TCF15: variants seen among roughly 807,000 people sequenced by gnomAD.
TCF15 encodes the protein TCF-15.
In TCF15, 7 loss-of-function variants were observed where a neutral mutation model predicts 11.1. The observed-to-expected ratio is 0.63, with a 90% confidence interval of 0.36 to 1.19. The LOEUF is 1.19. Among genes scored for constraint, TCF15 ranks in the 50% most tolerant of loss-of-function variants. The probability of loss-of-function intolerance (pLI) is 0.02; values close to 1 mark genes in which losing one functional copy is unlikely to be tolerated. For synonymous variants in TCF15, 144 were observed against 138.9 expected (o/e 1.04, Z -0.26); for missense variants, 288 against 289.4 (o/e 1.00, Z 0.03).
Position 609,664 on chromosome 20 carries a change from C to T in TCF15, c.525+49G>A. On this transcript the variant is annotated intron_variant, in intron 1 of 1. Transcript: ENST00000246080. The surrounding 1 kb of genome is among the most constrained non-coding windows in gnomAD (Gnocchi z 4.7). Reference sequence around the variant, plus strand: ...TCCGGTTCCCGCAGAGGCGCTGCCCCCCGCCTACCCCGACCTGGCGGCCGC... The same window carrying T: ...TCCGGTTCCCGCAGAGGCGCTGCCCTCCGCCTACCCCGACCTGGCGGCCGC... 6.0e-6 allele frequency: 8 copies of T among 1,326,708 alleles called. No homozygotes were observed. Among genetic ancestry groups the T allele is most frequent in the Non-Finnish European group, 7.6e-6 (8 of 1,046,204 alleles). The allele number at this position is 1,326,708 out of a possible 1,614,324, so 82.2% of individuals were successfully genotyped here.
chr20:609,599 C>G lies in TCF15; in HGVS notation c.525+114G>C, dbSNP rs1350833469. The G allele has an allele frequency of 2.5e-6, 3 of 1,215,904 alleles. No individual in the cohort carries two copies. The African/African-American group carries it at 4.8e-5, about 19-fold the overall frequency. 75.3% of individuals were successfully genotyped at this position (1,215,904 alleles called of 1,614,324 possible). On this transcript the variant is annotated intron_variant, in intron 1 of 1. Coordinates refer to ENST00000246080, the MANE Select transcript of TCF15 (RefSeq NM_004609.4). The surrounding 1 kb of genome is among the most constrained non-coding windows in gnomAD (Gnocchi z 4.7). ...GGTGCCGCACCCAGCACGAATTCCA[C>G]GTCGCTTCCCCCTGGCCTCGTTGGG...
At position 606,323 on chromosome 20, in the gene TCF15, G is replaced by C. The variant is rs184032165; in HGVS notation, c.526-1658C>G. Among the ~76,000 whole-genome samples the C allele has an allele frequency of 2.2e-3, 333 of 152,196 alleles. 1 individual carries two copies. The highest frequency in any genetic ancestry group is 7.3e-3 in the African/African-American group (303 of 41,516). Reference sequence around the variant, plus strand: ...TCTCTTTTACTCTGTAAGTGCTCAGGGACAGGGAGAGCCGCCCCCTCCCAC... The same window carrying C: ...TCTCTTTTACTCTGTAAGTGCTCAGCGACAGGGAGAGCCGCCCCCTCCCAC... On this transcript the variant is annotated intron_variant, in intron 1 of 1. Transcript: ENST00000246080.
chr20:609,855 A>G lies in TCF15; in HGVS notation c.383T>C (p.Leu128Pro). ...SSYIAHLANV[L>P]LLGDSADDGQ... Reference sequence around the variant, plus strand: ...GTCGTCGGCCGAGTCGCCCAGCAGCAGCACGTTGGCCAGGTGCGCGATGTA... The same window carrying G: ...GTCGTCGGCCGAGTCGCCCAGCAGCGGCACGTTGGCCAGGTGCGCGATGTA... The change falls in exon 1 of 2, where the codon CTG (leucine) becomes CCG (proline). Residue 128 changes from leucine to proline, a missense_variant. Coordinates refer to ENST00000246080, the MANE Select transcript of TCF15 (RefSeq NM_004609.4). This position sits in a 1 kb window ranked among gnomAD's most constrained non-coding sequence, Gnocchi z 4.7. 6.5e-7 allele frequency: 1 copy of G among 1,529,896 alleles called. No individual in the cohort carries two copies. The highest frequency in any genetic ancestry group is 8.7e-7 in the Non-Finnish European group (1 of 1,149,276). 94.8% of individuals were successfully genotyped at this position (1,529,896 alleles called of 1,614,324 possible).
chr20:604,692 G>A lies in TCF15; in HGVS notation c.526-27C>T, dbSNP rs1401646788. 2 of 1,538,438 alleles carry A rather than the reference G, an allele frequency of 1.3e-6. No homozygotes were observed. The highest frequency in any genetic ancestry group is 1.8e-6 in the Non-Finnish European group (2 of 1,139,992). ...TGCAGAGGGGGAGAAAGAGTATAAA[G>A]AGGTTCGATTAGGCCAGTGTGAACA... is the stretch of plus-strand genomic sequence containing the variant. On this transcript the variant is annotated intron_variant, in intron 1 of 1. Transcript: ENST00000246080. The surrounding 1 kb of genome is among the most constrained non-coding windows in gnomAD (Gnocchi z 4.2).
At chr20:606,077 T>A (rs1243042633) in intron 1 of TCF15, among the ~76,000 whole-genome samples, 1 of 151,648 alleles carries the variant, frequency 6.6e-6, no homozygotes, top group Non-Finnish European at 1.5e-5. Flanking sequence ...AGGTCCAGGT[T>A]GGGGCAGATC....
chr20:610,134 TC>T lies in TCF15; in HGVS notation c.103del (p.Asp35ThrfsTer54). On this transcript the variant is annotated frameshift_variant, in exon 1 of 2. Coordinates refer to ENST00000246080, the MANE Select transcript of TCF15 (RefSeq NM_004609.4). LOFTEE classifies it high-confidence loss of function. ...EENRSESDAS[D>X]QSFGCCEGPE... ...GCCCTCGCAGCAGCCGAACGACTGG[TC>T]CGACGCGTCGCTCTCGCTGCGGTTC... 9.7e-7 allele frequency: 1 copy of T among 1,029,538 alleles called. No individual in the cohort carries two copies. 63.8% of individuals were successfully genotyped at this position (1,029,538 alleles called of 1,614,324 possible). A position where few individuals can be genotyped will look rare whatever the true frequency, so the allele number is the denominator to read the frequency against.
intron 1 of TCF15, among the ~76,000 whole-genome samples, chr20:606,446 C>T (rs1403413756): frequency 6.6e-6 from 1 of 152,112 alleles, no homozygotes; most frequent in Non-Finnish European, 1.5e-5. Flanking sequence ...GAAATGGGGA[C>T]AAAATGATTT....
At position 609,466 on chromosome 20, in the gene TCF15, T is replaced by C. The variant is rs1026829087; in HGVS notation, c.525+247A>G. Among the ~76,000 whole-genome samples, 3 of 152,150 alleles carry C rather than the reference T, an allele frequency of 2.0e-5. No homozygotes were observed. The highest frequency in any genetic ancestry group is 2.9e-5 in the Non-Finnish European group (2 of 68,018). ...GAAGGAAGTTCCAGCACACCTTTCG[T>C]TGGAGGGGATATCCCACACTGAGCA... is the stretch of plus-strand genomic sequence containing the variant. On this transcript the variant is annotated intron_variant, in intron 1 of 1. Coordinates refer to ENST00000246080, the MANE Select transcript of TCF15 (RefSeq NM_004609.4). This position sits in a 1 kb window ranked among gnomAD's most constrained non-coding sequence, Gnocchi z 4.7.
Position 604,567 on chromosome 20 carries a change from G to A in TCF15, c.*24C>T. 6.5e-7 allele frequency: 1 copy of A among 1,548,786 alleles called. No homozygotes were observed. The highest frequency in any genetic ancestry group is 8.7e-7 in the Non-Finnish European group (1 of 1,144,792). ...CCTGTCCAGCCAGTGGCTGGCTCCT[G>A]GCCTCCTTCTCCAGGGTCCAGGCTC... On this transcript the variant is annotated 3_prime_UTR_variant, in exon 2 of 2. Transcript: ENST00000246080. The surrounding 1 kb of genome is among the most constrained non-coding windows in gnomAD (Gnocchi z 4.2).
intron 1 of TCF15, among the ~76,000 whole-genome samples, chr20:605,306 C>A (rs1161738020): frequency 1.3e-5 from 2 of 152,262 alleles, no homozygotes; most frequent in Non-Finnish European, 2.9e-5. Flanking sequence ...TGCCTGACTG[C>A]ATGCCTAGCG....
chr20:604,810 G>T lies in TCF15; in HGVS notation c.526-145C>A. The T allele has an allele frequency of 1.4e-6, 1 of 713,684 alleles. No homozygotes were observed. The highest frequency in any genetic ancestry group is 3.2e-5 in the Admixed American group (1 of 31,488). 44.2% of individuals were successfully genotyped at this position (713,684 alleles called of 1,614,324 possible). On this transcript the variant is annotated intron_variant, in intron 1 of 1. Coordinates refer to ENST00000246080, the MANE Select transcript of TCF15 (RefSeq NM_004609.4). This position sits in a 1 kb window ranked among gnomAD's most constrained non-coding sequence, Gnocchi z 4.2. ...AAGTTCTCTGCAACAGAAAGCAGAA[G>T]AAACCCTTTCTGGACTGATACAGAC...
intron 1 of TCF15, among the ~76,000 whole-genome samples, chr20:605,128 C>T (rs1361385554): frequency 1.3e-5 from 2 of 152,200 alleles, no homozygotes; most frequent in Admixed American, 1.3e-4. Context: ...GTAGCGGGGA[C>T]TACAGGGGCC....
rs1243586475 is a variant in TCF15, at chr20:609,642, G to A, written c.525+71C>T. The A allele has an allele frequency of 9.9e-6, 13 of 1,307,368 alleles. No individual in the cohort carries two copies. The highest frequency in any genetic ancestry group is 4.2e-5 in the Admixed American group (1 of 23,794). The allele number at this position is 1,307,368 out of a possible 1,614,324, so 81.0% of individuals were successfully genotyped here. On this transcript the variant is annotated intron_variant, in intron 1 of 1. Transcript: ENST00000246080. The surrounding 1 kb of genome is among the most constrained non-coding windows in gnomAD (Gnocchi z 4.7). ...TCGTTGGGGACCCCTGCACCTCTCC[G>A]GTTCCCGCAGAGGCGCTGCCCCCCG...
intron 1 of TCF15, among the ~76,000 whole-genome samples, chr20:606,358 G>C (rs2019974930): frequency 6.6e-6 from 1 of 152,284 alleles, no homozygotes; most frequent in African/African-American, 2.4e-5. Flanking sequence ...CCCCAAGTCT[G>C]GAGGTCAGCT....
At position 610,285 on chromosome 20, in the gene TCF15, G is replaced by A. The variant is rs1329534587; in HGVS notation, c.-48C>T. 2 of 987,960 alleles carry A rather than the reference G, an allele frequency of 2.0e-6. No individual in the cohort carries two copies. The highest frequency in any genetic ancestry group is 2.4e-6 in the Non-Finnish European group (2 of 832,282). 61.2% of individuals were successfully genotyped at this position (987,960 alleles called of 1,614,324 possible). On this transcript the variant is annotated 5_prime_UTR_variant, in exon 1 of 2. Transcript: ENST00000246080. ...TGCGCCGCGTCCCAGCGTCGGCCGCGCCCCGCCGTGCGCTCCCGCGCGCTC... is the reference window on the plus strand; with the variant it reads ...TGCGCCGCGTCCCAGCGTCGGCCGCACCCCGCCGTGCGCTCCCGCGCGCTC...
Position 609,469 on chromosome 20 carries a change from G to A in TCF15, c.525+244C>T, listed in dbSNP as rs2020003188. Among the ~76,000 whole-genome samples, 1 of 152,236 alleles carries A rather than the reference G, an allele frequency of 6.6e-6. No homozygotes were observed. The highest frequency in any genetic ancestry group is 1.9e-4 in the East Asian group (1 of 5,182). On this transcript the variant is annotated intron_variant, in intron 1 of 1. Transcript: ENST00000246080. The surrounding 1 kb of genome is among the most constrained non-coding windows in gnomAD (Gnocchi z 4.7). ...GGAAGTTCCAGCACACCTTTCGTTG[G>A]AGGGGATATCCCACACTGAGCAGTT...
At chr20:605,219 T>TA (rs546835468) in intron 1 of TCF15, among the ~76,000 whole-genome samples, 86 of 152,196 alleles carry the variant, frequency 5.7e-4, no homozygotes, top group African/African-American at 2.0e-3. Context: ...ATCTGTTGCT[T>TA]AAAAAAAATC....
intron 1 of TCF15, among the ~76,000 whole-genome samples, chr20:605,980 G>A (rs1245571698): frequency 2.0e-5 from 3 of 152,230 alleles, no homozygotes; most frequent in Non-Finnish European, 4.4e-5. Flanking sequence ...AGCCTGGCTA[G>A]ATGATGGAGG....
In TCF15 at chr20:609,892, G is replaced by A. The variant is rs1466552907; in HGVS notation, c.346C>T (p.Leu116=). 3.3e-6 allele frequency: 5 copies of A among 1,529,470 alleles called. No homozygotes were observed. In the South Asian group the frequency reaches 3.6e-5, roughly 11 times the overall value. The allele number at this position is 1,529,470 out of a possible 1,614,324, so 94.7% of individuals were successfully genotyped here. A position where few individuals can be genotyped will look rare whatever the true frequency, so the allele number is the denominator to read the frequency against. The part of the protein sequence containing the change: ...RKLSKIETVR[L]ASSYIAHLAN... ...AGGTGCGCGATGTAGCTGGACGCCA[G>A]GCGCACGGTCTCGATCTTGGACAGC... The change falls in exon 1 of 2, where the codon CTG becomes TTG. Residue 116 remains leucine (L), a synonymous_variant. Coordinates refer to ENST00000246080, the MANE Select transcript of TCF15 (RefSeq NM_004609.4). This position sits in a 1 kb window ranked among gnomAD's most constrained non-coding sequence, Gnocchi z 4.7.
Sources: gnomAD v4.1 joint callset for allele counts (sites outside exome capture counted in the v4.1 genomes callset) on GRCh38, gnomAD v4.1.1 for gene constraint, Gnocchi (gnomAD v3.1) non-coding constraint, MANE v1.5 for transcripts, NCBI Gene and HGNC (gene_info 2026-07-23, HGNC 2026-07-21) for gene names.